The following THNSL1 variants were observed in gnomAD, a reference collection of about 807,000 sequenced individuals.
The protein encoded by THNSL1 is threonine synthase-like 1.
Under a neutral mutation model 50.4 loss-of-function variants are expected in THNSL1, and 48 were observed. That is an observed-to-expected ratio of 0.95 (90% CI 0.76 to 1.21). The LOEUF (loss-of-function observed/expected upper bound fraction) is 1.21. Among genes scored for constraint, THNSL1 ranks in the 50% most tolerant of loss-of-function variants. The pLI, the probability that THNSL1 is intolerant of heterozygous loss-of-function variation, is 0.00. For missense variants in THNSL1, 896 were observed against 871.7 expected, an observed-to-expected ratio of 1.03 and a Z score of -0.35; for synonymous variants, 309 against 306.1, an observed-to-expected ratio of 1.01 and a Z score of -0.10.
the THNSL1 span, among the ~76,000 whole-genome samples, chr10:24,965,401 G>GCCCAGCCCTGATTCTGAGC: frequency 2.0e-5 from 3 of 152,098 alleles, no homozygotes; most frequent in African/African-American, 7.2e-5. Context: ...TCATTGACTT[G>GCCCAGCCCTGATTCTGAGC]CCCAGCCCTG....
Position 25,024,492 on chromosome 10 carries a change from T to G in THNSL1, c.1269T>G (p.Ser423Arg), listed in dbSNP as rs1218824714. The G allele has an allele frequency of 3.1e-6, 5 of 1,614,082 alleles. No individual in the cohort carries two copies. The highest frequency in any genetic ancestry group is 1.7e-6 in the Non-Finnish European group (2 of 1,180,034). Reference protein sequence around the residue: ...SDFQKAQIIGSQRENGWAVGV... With the variant: ...SDFQKAQIIGRQRENGWAVGV... ...TTCAAAAAGCACAAATAATTGGCAGTCAGAGAGAAAATGGATGGGCAGTGG... is the reference window on the plus strand; with the variant it reads ...TTCAAAAAGCACAAATAATTGGCAGGCAGAGAGAAAATGGATGGGCAGTGG... Residue 423 changes from serine (S) to arginine (R), a missense_variant, in exon 3 of 3, where the codon AGT (serine) becomes AGG (arginine). Coordinates refer to ENST00000376356, the MANE Select transcript of THNSL1 (RefSeq NM_024838.5).
At chr10:24,952,738 C>T in the THNSL1 span, 6 of 681,872 alleles carry the variant, frequency 8.8e-6, no homozygotes, top group Non-Finnish European at 1.4e-5. The surrounding 1 kb of genome is among the most constrained non-coding windows in gnomAD (Gnocchi z 5.1). Context: ...GAAGCAGCGG[C>T]CTGACGCGGA....
the THNSL1 span, among the ~76,000 whole-genome samples, chr10:24,978,848 G>C: frequency 3.3e-5 from 5 of 152,162 alleles, no homozygotes; most frequent in Non-Finnish European, 7.3e-5. Context: ...TGGAAGGAGG[G>C]TTGGACAAAA....
the THNSL1 span, chr10:24,984,978 G>T: frequency 7.7e-6 from 9 of 1,162,422 alleles, no homozygotes; most frequent in Middle Eastern, 3.9e-4. Flanking sequence ...AAGCTAATTG[G>T]TAATGAAAAA....
At chr10:24,984,181 G>T in the THNSL1 span, 2 of 551,432 alleles carry the variant, frequency 3.6e-6, no homozygotes, top group South Asian at 4.3e-5. Flanking sequence ...ATCATATACA[G>T]TGTTACGAAT....
rs543682774 is a variant in THNSL1 at position 25,024,954 on chromosome 10, C to T, written c.1731C>T (p.His577=). 2 of 1,614,084 alleles carry T rather than the reference C, an allele frequency of 1.2e-6. No individual in the cohort carries two copies. Among genetic ancestry groups the T allele is most frequent in the Admixed American group, 3.3e-5 (2 of 60,014 alleles). ...LKSSNLERHL[H]LMANKDGQLM... is the part of the protein sequence containing the mutation. ...CTTCAAACCTAGAACGACATTTACA[C>T]TTGATGGCTAATAAAGATGGACAGC... is the stretch of plus-strand genomic sequence containing the variant. Residue 577 remains histidine, a synonymous_variant, in exon 3 of 3, where the codon CAC becomes CAT. Transcript: ENST00000376356.
At chr10:24,952,444 G>T in the THNSL1 span, 8 of 1,450,364 alleles carry the variant, frequency 5.5e-6, no homozygotes, top group African/African-American at 9.9e-5. This position sits in a 1 kb window ranked among gnomAD's most constrained non-coding sequence, Gnocchi z 5.1. Context: ...CTCCCCCGAC[G>T]CACGGCAAGC....
chr10:24,987,737 G>A, the THNSL1 span, among the ~76,000 whole-genome samples: 1 of 152,134 alleles, frequency 6.6e-6, no homozygotes, highest in Non-Finnish European at 1.5e-5. Flanking sequence ...ACACCAGCCT[G>A]GCAATTGGTA....
the THNSL1 span, among the ~76,000 whole-genome samples, chr10:24,988,338 A>G: frequency 2.2e-4 from 31 of 143,824 alleles, no homozygotes; most frequent in Non-Finnish European, 2.9e-4. Flanking sequence ...ATATATGTGT[A>G]TATATATATT....
upstream of THNSL1, among the ~76,000 whole-genome samples, chr10:25,014,236 ACT>A (rs1405108278): frequency 1.3e-5 from 2 of 152,114 alleles, no homozygotes; most frequent in Admixed American, 1.3e-4. Context: ...AAGACGGTAA[ACT>A]CTGAGGCGTG....
the THNSL1 span, chr10:24,952,646 G>T: frequency 1.4e-6 from 1 of 725,328 alleles, no homozygotes; most frequent in South Asian, 1.5e-5. This position sits in a 1 kb window ranked among gnomAD's most constrained non-coding sequence, Gnocchi z 5.1. Context: ...CTGCGTGGGG[G>T]ATGGGACGTG....
chr10:24,971,998 C>G, the THNSL1 span, among the ~76,000 whole-genome samples: 1 of 152,038 alleles, frequency 6.6e-6, no homozygotes, highest in Admixed American at 6.6e-5. Context: ...CAAGACCAGC[C>G]TGGCCAACAT....
chr10:25,017,416 C>T (rs1850625620), intron 1 of THNSL1, among the ~76,000 whole-genome samples: 1 of 151,978 alleles, frequency 6.6e-6, no homozygotes, highest in Admixed American at 6.6e-5. Flanking sequence ...GCCACTCTGC[C>T]CGAAGGAAAT....
chr10:25,007,504 G>A, the THNSL1 span, among the ~76,000 whole-genome samples: 19 of 152,166 alleles, frequency 1.2e-4, no homozygotes, highest in African/African-American at 4.1e-4. Flanking sequence ...GCGCCATCTC[G>A]GCTCACTGCA....
chr10:24,954,850 G>T, the THNSL1 span, among the ~76,000 whole-genome samples: 1 of 152,158 alleles, frequency 6.6e-6, no homozygotes, highest in Non-Finnish European at 1.5e-5. Flanking sequence ...TATTTGCAAA[G>T]ACCGGTATCC....
chr10:24,971,900 A>G, the THNSL1 span, among the ~76,000 whole-genome samples: 2 of 152,148 alleles, frequency 1.3e-5, no homozygotes, highest in Non-Finnish European at 2.9e-5. Context: ...CTGACATTTA[A>G]AATGTCTTGG....
chr10:25,023,125 A>G, intron 2 of THNSL1, 51 bp from the exon 3 acceptor site: 1 of 1,184,678 alleles, frequency 8.4e-7, no homozygotes, highest in Non-Finnish European at 1.2e-6. Context: ...TACTGTAATT[A>G]GTAACCAAAT....
At chr10:24,970,489 C>A in the THNSL1 span, among the ~76,000 whole-genome samples, 3 of 151,976 alleles carry the variant, frequency 2.0e-5, no homozygotes, top group Admixed American at 1.3e-4. Flanking sequence ...GCAGGAAGAT[C>A]ACTTGAGGCC....
the THNSL1 span, among the ~76,000 whole-genome samples, chr10:24,991,018 T>A: frequency 6.6e-6 from 1 of 152,150 alleles, no homozygotes; most frequent in African/African-American, 2.4e-5. Flanking sequence ...AAAAATCTCT[T>A]GAATCTGGGA....
Sources: allele counts gnomAD v4.1 joint callset (sites outside exome capture counted in the v4.1 genomes callset), GRCh38; gene constraint gnomAD v4.1.1; non-coding constraint Gnocchi (gnomAD v3.1); transcripts MANE v1.5; gene names NCBI Gene and HGNC (gene_info 2026-07-23, HGNC 2026-07-21).